ABLIM2: variants seen among roughly 807,000 people sequenced by gnomAD.
ABLIM2 encodes actin binding LIM protein family member 2.
ABLIM2 carries 53 observed loss-of-function variants against 97.7 expected under a neutral mutation model. The observed-to-expected ratio is 0.54, with a 90% CI of 0.44 to 0.68. ABLIM2 has a LOEUF of 0.68. Among genes scored for constraint, ABLIM2 ranks in the 30% least tolerant of loss-of-function variants. ABLIM2 has a pLI of 0.00. For missense variants in ABLIM2, 835 were observed against 867.2 expected, an observed-to-expected ratio of 0.96 and a Z score of 0.47; for synonymous variants, 361 against 345.8, an observed-to-expected ratio of 1.04 and a Z score of -0.49.
At chr4:8,133,013 G>C (rs1029556805) in intron 1 of ABLIM2, among the ~76,000 whole-genome samples, 2 of 152,158 alleles carry the variant, frequency 1.3e-5, no homozygotes, top group African/African-American at 4.8e-5. Flanking sequence ...CAGATCAGGG[G>C]TTGTGAGGAC....
intron 2 of ABLIM2, among the ~76,000 whole-genome samples, chr4:8,097,700 T>C (rs1832438653): frequency 6.6e-6 from 1 of 152,106 alleles, no homozygotes; most frequent in Non-Finnish European, 1.5e-5. Context: ...GATCACCTAC[T>C]GTGTGCTAGA....
intron 20 of ABLIM2, among the ~76,000 whole-genome samples, chr4:7,969,902 T>C (rs904854364): frequency 1.3e-5 from 2 of 152,172 alleles, no homozygotes; most frequent in East Asian, 1.9e-4. Context: ...GGTTTCTTGG[T>C]GCTGAGAAAT....
chr4:8,152,140 C>A (rs563374860), intron 1 of ABLIM2, among the ~76,000 whole-genome samples: 3 of 152,222 alleles, frequency 2.0e-5, no homozygotes, highest in Non-Finnish European at 4.4e-5. Context: ...ATGATGCCCC[C>A]AAACGGGCCA....
intron 12 of ABLIM2, among the ~76,000 whole-genome samples, chr4:8,025,707 G>A (rs550223718): frequency 4.7e-4 from 71 of 152,306 alleles, no homozygotes; most frequent in Admixed American, 9.1e-4. Context: ...GGGGCTGCCT[G>A]GGGAGCGGGG....
chr4:8,145,223 G>A lies in ABLIM2; in HGVS notation c.10+13457C>T, dbSNP rs540056364. Among the ~76,000 whole-genome samples, 17 of 150,590 alleles carry A rather than the reference G, an allele frequency of 1.1e-4. 1 individual carries two copies. The highest frequency in any genetic ancestry group is 4.2e-4 in the African/African-American group (17 of 40,840). Reference sequence around the variant, plus strand: ...TTTCCAGACAGAGTCTCGCTCTGTCGCCCAGGCTGGAGTGCAGTGGCATGA... The same window carrying A: ...TTTCCAGACAGAGTCTCGCTCTGTCACCCAGGCTGGAGTGCAGTGGCATGA... On this transcript the variant is annotated intron_variant, in intron 1 of 20. Coordinates refer to ENST00000447017, the MANE Select transcript of ABLIM2 (RefSeq NM_001130083.2).
chr4:7,997,536 T>C (rs1262560614), intron 16 of ABLIM2, among the ~76,000 whole-genome samples: 1 of 152,240 alleles, frequency 6.6e-6, no homozygotes, highest in African/African-American at 2.4e-5. Flanking sequence ...TTCAAGTTCA[T>C]GGATTCTCTC....
intron 8 of ABLIM2, among the ~76,000 whole-genome samples, chr4:8,049,641 G>C (rs939676533): frequency 2.0e-5 from 3 of 152,230 alleles, no homozygotes; most frequent in Admixed American, 1.3e-4. Flanking sequence ...CTACCTGGCA[G>C]CTTCATTTGC....
At chr4:7,989,668 T>G (rs1398283459) in intron 17 of ABLIM2, among the ~76,000 whole-genome samples, 8 of 152,226 alleles carry the variant, frequency 5.3e-5, no homozygotes, top group Admixed American at 5.2e-4. Context: ...TTAAAAGTAG[T>G]TTTTAAGTGT....
chr4:8,060,206 C>A (rs1027828499), intron 7 of ABLIM2, among the ~76,000 whole-genome samples: 2 of 152,108 alleles, frequency 1.3e-5, no homozygotes, highest in African/African-American at 4.8e-5. Flanking sequence ...AGCCGAATGC[C>A]GCCATCAGAA....
At chr4:8,007,698 T>C (rs1237578258) in intron 16 of ABLIM2, 1 of 1,040,784 alleles carries the variant, frequency 9.6e-7, no homozygotes, top group Non-Finnish European at 1.2e-6. Context: ...AGCCGGACCA[T>C]GCCCATGTCT....
chr4:8,061,480 G>A lies in ABLIM2; in HGVS notation c.676-426C>T, dbSNP rs1039338807. 1.3e-5 allele frequency among the ~76,000 whole-genome samples: 2 copies of A among 152,080 alleles called. No homozygotes were observed. Among genetic ancestry groups the A allele is most frequent in the East Asian group, 1.9e-4 (1 of 5,198 alleles). On this transcript the variant is annotated intron_variant, in intron 6 of 20. Coordinates refer to ENST00000447017, the MANE Select transcript of ABLIM2 (RefSeq NM_001130083.2). This position sits in a 1 kb window ranked among gnomAD's most constrained non-coding sequence, Gnocchi z 4.5. Reference sequence around the variant, plus strand: ...TTCCCTAGGTGCAAGAATTAGGGGAGTGGGGTGAAAAAGGATGAATACTTT... The same window carrying A: ...TTCCCTAGGTGCAAGAATTAGGGGAATGGGGTGAAAAAGGATGAATACTTT...
chr4:8,155,696 C>G lies in ABLIM2; in HGVS notation c.10+2984G>C, dbSNP rs1249942006. ...GGTGAAACGAGGTCATGAGGGTAGG[C>G]TCTAACCAAGTCTGGCTGGGGTTTT... On this transcript the variant is annotated intron_variant, in intron 1 of 20. Transcript: ENST00000447017. This position sits in a 1 kb window ranked among gnomAD's most constrained non-coding sequence, Gnocchi z 4.2. Among the ~76,000 whole-genome samples, 1 of 152,190 alleles carries G rather than the reference C, an allele frequency of 6.6e-6. No individual in the cohort carries two copies. The highest frequency in any genetic ancestry group is 2.4e-5 in the African/African-American group (1 of 41,442).
At position 8,131,818 on chromosome 4, in the gene ABLIM2, G is replaced by A. The variant is rs372639661; in HGVS notation, c.11-25181C>T. 4.9e-4 allele frequency among the ~76,000 whole-genome samples: 57 copies of A among 117,330 alleles called. 2 individuals are homozygous for A. The East Asian group carries it at 0.012, about 24-fold the overall frequency. The allele number at this position is 117,330 out of a possible 152,430, so 77.0% of individuals were successfully genotyped here. A position where few individuals can be genotyped will look rare whatever the true frequency, so the allele number is the denominator to read the frequency against. The stretch of plus-strand genomic sequence containing the variant: ...CCCGCATCCCTGAGCACAGCAGCCC[G>A]CATCCCCAGCACAGCAGCCCGCATC... On this transcript the variant is annotated intron_variant, in intron 1 of 20. Transcript: ENST00000447017.
intron 1 of ABLIM2, among the ~76,000 whole-genome samples, chr4:8,138,757 C>A (rs1850533187): frequency 6.6e-6 from 1 of 152,182 alleles, no homozygotes; most frequent in African/African-American, 2.4e-5. Context: ...ACAATAAAAA[C>A]CCTAGAAGAA....
rs71175444 is a variant in ABLIM2 at position 7,973,075 on chromosome 4, CTGTGTGTGTGTGTGTGTGTG to C, written c.1825-5992_1825-5973del. Among the ~76,000 whole-genome samples, 274 of 124,066 alleles carry C rather than the reference CTGTGTGTGTGTGTGTGTGTG, an allele frequency of 2.2e-3. 2 individuals carry two copies. Among genetic ancestry groups the C allele is most frequent in the Non-Finnish European group, 1.9e-3 (113 of 58,262 alleles). 81.4% of individuals were successfully genotyped at this position (124,066 alleles called of 152,430 possible). A position where few individuals can be genotyped will look rare whatever the true frequency, so the allele number is the denominator to read the frequency against. ...CTCCAGCAATGAGCTGCTCCCCTTG[CTGTGTGTGTGTGTGTGTGTG>C]TGTGTGTGTGTGTGTGTAGGGTGAG... is the stretch of plus-strand genomic sequence containing the variant. On this transcript the variant is annotated intron_variant, in intron 20 of 20. Transcript: ENST00000447017.
In ABLIM2 at chr4:8,080,667, C is replaced by A. The variant is rs369456047; in HGVS notation, c.581+9G>T. 35 of 1,596,364 alleles carry A rather than the reference C, an allele frequency of 2.2e-5. No homozygotes were observed. The highest frequency in any genetic ancestry group is 4.3e-6 in the Non-Finnish European group (5 of 1,168,586). Reference sequence around the variant, plus strand: ...CGGAGGCTCTCACTAGAGCCCTCCCCCCACTTACTTGCTGATGTACTCGGC... The same window carrying A: ...CGGAGGCTCTCACTAGAGCCCTCCCACCACTTACTTGCTGATGTACTCGGC... On this transcript the variant is annotated intron_variant, in intron 5 of 20. Coordinates refer to ENST00000447017, the MANE Select transcript of ABLIM2 (RefSeq NM_001130083.2).
At position 7,992,852 on chromosome 4, in the gene ABLIM2, G is replaced by A; in HGVS notation, c.1680+14C>T. The A allele has an allele frequency of 6.2e-7, 1 of 1,611,274 alleles. No homozygotes were observed. The highest frequency in any genetic ancestry group is 1.1e-5 in the South Asian group (1 of 90,380). On this transcript the variant is annotated intron_variant, in intron 17 of 20. Coordinates refer to ENST00000447017, the MANE Select transcript of ABLIM2 (RefSeq NM_001130083.2). This position sits in a 1 kb window ranked among gnomAD's most constrained non-coding sequence, Gnocchi z 5.7. ...TCGTTAGTACCCTGTGGCCAGGGAG[G>A]GGTCAGTACCTACCCGCTGGTCCAA...
At position 8,003,146 on chromosome 4, in the gene ABLIM2, C is replaced by T. The variant is rs988872812; in HGVS notation, c.1618+4913G>A. Among the ~76,000 whole-genome samples the T allele has an allele frequency of 1.3e-5, 2 of 152,240 alleles. No individual in the cohort carries two copies. The highest frequency in any genetic ancestry group is 2.9e-5 in the Non-Finnish European group (2 of 68,050). On this transcript the variant is annotated intron_variant, in intron 16 of 20. Coordinates refer to ENST00000447017, the MANE Select transcript of ABLIM2 (RefSeq NM_001130083.2). This position sits in a 1 kb window ranked among gnomAD's most constrained non-coding sequence, Gnocchi z 4.2. ...CAGAGAGATGCCCCTTGGCTTACCA[C>T]GGGCTCATCATATCCCATAAACCCA...
chr4:8,079,810 G>A (rs908241212), intron 5 of ABLIM2, among the ~76,000 whole-genome samples: 5 of 152,126 alleles, frequency 3.3e-5, no homozygotes, highest in African/African-American at 1.2e-4. Flanking sequence ...TTATCACAGG[G>A]CGTTTTTCAT....
Sources: gnomAD v4.1 joint callset for allele counts (sites outside exome capture counted in the v4.1 genomes callset) on GRCh38, gnomAD v4.1.1 for gene constraint, Gnocchi (gnomAD v3.1) non-coding constraint, MANE v1.5 for transcripts, NCBI Gene and HGNC (gene_info 2026-07-23, HGNC 2026-07-21) for gene names.